The following HYDIN variants were observed in gnomAD, a reference collection of about 807,000 sequenced individuals.
HYDIN encodes the protein axonemal central pair apparatus protein HYDIN.
HYDIN carries 132 observed loss-of-function variants against 403.9 expected under a neutral mutation model. The observed-to-expected ratio is 0.33, with a 90% CI of 0.28 to 0.38. The LOEUF is 0.38. Ranked by LOEUF, HYDIN falls within the 10% of genes least tolerant of loss-of-function variation. HYDIN has a pLI of 1.00. For synonymous variants in HYDIN, 1,202 were observed against 1,891.7 expected, an observed-to-expected ratio of 0.64 and a Z score of 9.46; for missense variants, 2,827 against 5,009.5, an observed-to-expected ratio of 0.56 and a Z score of 13.15.
At position 70,968,521 on chromosome 16, in the gene HYDIN, C is replaced by T. The variant is rs543917151; in HGVS notation, c.5619+1999G>A. Among the ~76,000 whole-genome samples the T allele has an allele frequency of 1.4e-3, 212 of 151,918 alleles. 2 individuals carry two copies. Among genetic ancestry groups the T allele is most frequent in the Admixed American group, 2.5e-3 (38 of 15,258 alleles). On this transcript the variant is annotated intron_variant, in intron 36 of 85. Coordinates refer to ENST00000393567, the MANE Select transcript of HYDIN (RefSeq NM_001270974.2). The stretch of plus-strand genomic sequence containing the variant: ...CAGGAAGGTATCAATGGAGGCCTTG[C>T]GGAGAGCCAGAAATACCACTCCTGC...
Position 70,833,900 on chromosome 16 carries a change from C to G in HYDIN, c.13666G>C (p.Asp4556His). 4 of 1,612,438 alleles carry G rather than the reference C, an allele frequency of 2.5e-6. No individual in the cohort carries two copies. The highest frequency in any genetic ancestry group is 3.4e-6 in the Non-Finnish European group (4 of 1,179,566). ...CTGCTCCCTTACCTTGCACCCACAT[C>G]GCCTGTGTTCATCATGAGGATGCGA... ...TRRILMMNTG[D>H]VGARFKWDIK... Residue 4556 changes from aspartate (D) to histidine (H), a missense_variant, in exon 79 of 86, where the codon GAT becomes CAT. Coordinates refer to ENST00000393567, the MANE Select transcript of HYDIN (RefSeq NM_001270974.2).
intron 1 of HYDIN, among the ~76,000 whole-genome samples, chr16:71,216,611 T>C (rs1171942112): frequency 2.0e-5 from 3 of 152,222 alleles, no homozygotes; most frequent in Admixed American, 1.3e-4. Flanking sequence ...ATGGTAACAA[T>C]GTGTTTCATA....
chr16:71,189,783 CA>C (rs1055737429), intron 1 of HYDIN, among the ~76,000 whole-genome samples: 5 of 126,598 alleles, frequency 3.9e-5, no homozygotes, highest in African/African-American at 1.5e-4. Context: ...AAAAAAAAAA[CA>C]AACAACAATA....
At chr16:71,193,385 T>C (rs1439033879) in intron 1 of HYDIN, among the ~76,000 whole-genome samples, 1 of 152,232 alleles carries the variant, frequency 6.6e-6, no homozygotes, top group East Asian at 1.9e-4. Context: ...ATGTGTGATG[T>C]AATGTCTTCT....
At chr16:71,047,420 GA>G (rs1363047462) in intron 18 of HYDIN, among the ~76,000 whole-genome samples, 6 of 142,962 alleles carry the variant, frequency 4.2e-5, no homozygotes, top group Non-Finnish European at 7.7e-5. Context: ...TTGGCAAAAT[GA>G]AAAAGGTCTC....
At chr16:71,030,648 C>A (rs2080873516) in intron 19 of HYDIN, among the ~76,000 whole-genome samples, 1 of 152,152 alleles carries the variant, frequency 6.6e-6, no homozygotes, top group Non-Finnish European at 1.5e-5. Context: ...CCAGGCTGGT[C>A]TTGAATTCCT....
Position 70,834,144 on chromosome 16 carries a change from G to A in HYDIN, c.13422C>T (p.Phe4474=). The A allele has an allele frequency of 6.2e-7, 1 of 1,613,854 alleles. No individual in the cohort carries two copies. Among genetic ancestry groups the A allele is most frequent in the Non-Finnish European group, 8.5e-7 (1 of 1,179,846 alleles). ...CTTTGGGCTTCAGTGTGATGTTGTG[G>A]AAGGGCGCCAGGGTAAGGACCTGAA... ...QEPKVLTLAP[F]HNITLKPKEV... is the part of the protein sequence containing the mutation. Residue 4474 remains phenylalanine (F), a synonymous_variant, in exon 79 of 86, where the codon TTC becomes TTT. Coordinates refer to ENST00000393567, the MANE Select transcript of HYDIN (RefSeq NM_001270974.2).
intron 85 of HYDIN, 118 bp from the exon 86 acceptor site, chr16:70,808,180 G>T: frequency 8.5e-7 from 1 of 1,176,032 alleles, no homozygotes; most frequent in Non-Finnish European, 1.2e-6. Flanking sequence ...GTGTGAGACT[G>T]GGAATGTTAT....
At chr16:71,120,744 C>T (rs1420988000) in intron 9 of HYDIN, among the ~76,000 whole-genome samples, 1 of 151,208 alleles carries the variant, frequency 6.6e-6, no homozygotes, top group Non-Finnish European at 1.5e-5. Context: ...ACAAATCTTG[C>T]CCCCCTCCCA....
chr16:71,206,387 C>A (rs1330272422), intron 1 of HYDIN, among the ~76,000 whole-genome samples: 1 of 152,162 alleles, frequency 6.6e-6, no homozygotes. Context: ...ATACCATAAT[C>A]AAACATTCAA....
chr16:71,134,590 T>C (rs566459788), intron 8 of HYDIN, among the ~76,000 whole-genome samples: 3 of 152,278 alleles, frequency 2.0e-5, no homozygotes, highest in South Asian at 2.1e-4. Context: ...TGACCCCTGA[T>C]GTGTGGCCTG....
At chr16:71,107,769 T>C (rs1597794271) in intron 10 of HYDIN, among the ~76,000 whole-genome samples, 1 of 152,178 alleles carries the variant, frequency 6.6e-6, no homozygotes, top group South Asian at 2.1e-4. Flanking sequence ...GTGGTGATTC[T>C]TCAAAAAACA....
At chr16:71,163,289 A>C (rs2086088363) in intron 5 of HYDIN, among the ~76,000 whole-genome samples, 2 of 151,794 alleles carry the variant, frequency 1.3e-5, no homozygotes, top group South Asian at 2.1e-4. Flanking sequence ...CGCCCGGCTA[A>C]TTTTTTGTAT....
rs966952456 is a variant in HYDIN, at chr16:70,966,823, T to C, written c.5620-1927A>G. Among the ~76,000 whole-genome samples the C allele has an allele frequency of 9.2e-5, 14 of 152,058 alleles. 1 individual carries two copies. The highest frequency in any genetic ancestry group is 4.2e-4 in the South Asian group (2 of 4,798). On this transcript the variant is annotated intron_variant, in intron 36 of 85. Coordinates refer to ENST00000393567, the MANE Select transcript of HYDIN (RefSeq NM_001270974.2). ...TGAGCTGTAGACAACCCAGAAGTGA[T>C]TGGAGAAGCTCCACTGTAAGGATTG...
At chr16:70,863,372 A>G (rs1423980428) in intron 67 of HYDIN, among the ~76,000 whole-genome samples, 190 bp from the exon 68 acceptor site, 1 of 152,228 alleles carries the variant, frequency 6.6e-6, no homozygotes, top group Non-Finnish European at 1.5e-5. Context: ...AAGAAAATAT[A>G]TAGTGATTAA....
chr16:70,807,615 T>G lies in HYDIN; in HGVS notation c.15331A>C (p.Lys5111Gln). 1 of 1,614,022 alleles carries G rather than the reference T, an allele frequency of 6.2e-7. No homozygotes were observed. The highest frequency in any genetic ancestry group is 8.5e-7 in the Non-Finnish European group (1 of 1,179,906). Reference sequence around the variant, plus strand: ...ATCCCCTTCAGATAATAAACCCATTTAACTCCAGTCTCACTCCCTTCACCA... The same window carrying G: ...ATCCCCTTCAGATAATAAACCCATTGAACTCCAGTCTCACTCCCTTCACCA... ...PPGEGSETGV[K>Q]WVYYLKGITL Residue 5111 changes from lysine (K) to glutamine (Q), a missense_variant, in exon 86 of 86, where the codon AAA (lysine) becomes CAA (glutamine). By Grantham distance (53) the Lys-to-Gln change is moderately conservative (BLOSUM62 1). Coordinates refer to ENST00000393567, the MANE Select transcript of HYDIN (RefSeq NM_001270974.2).
intron 72 of HYDIN, among the ~76,000 whole-genome samples, chr16:70,856,416 GTGTTCAATAATAAGGGTGATAAT>G (rs1430077142): frequency 2.7e-4 from 32 of 119,698 alleles, no homozygotes; most frequent in Non-Finnish European, 3.9e-4. Flanking sequence ...CTCTAAGCAA[GTGTTCAATAATAAGGGTGATAAT>G]GAACACCCTT....
At chr16:70,883,723 C>T (rs2040950470) in intron 59 of HYDIN, among the ~76,000 whole-genome samples, 197 bp downstream of exon 59, 2 of 151,972 alleles carry the variant, frequency 1.3e-5, no homozygotes, top group South Asian at 4.2e-4. Context: ...GCATGTGCCA[C>T]CACACCCAGC....
At chr16:70,978,109 G>A (rs996043504) in intron 30 of HYDIN, among the ~76,000 whole-genome samples, 10 of 152,020 alleles carry the variant, frequency 6.6e-5, no homozygotes, top group African/African-American at 2.4e-4. Flanking sequence ...ACGGGAAACA[G>A]CTGAACTCCT....
Sources: allele counts gnomAD v4.1 joint callset (sites outside exome capture counted in the v4.1 genomes callset), GRCh38; gene constraint gnomAD v4.1.1; transcripts MANE v1.5; gene names NCBI Gene and HGNC (gene_info 2026-07-23, HGNC 2026-07-21).